The following CD84 variants were observed in gnomAD, a reference collection of about 807,000 sequenced individuals.
CD84 encodes the protein CD84 molecule, also known as SLAM family member 5.
Under a neutral mutation model 33.8 loss-of-function variants are expected in CD84, and 22 were observed. That is an observed-to-expected ratio of 0.65 (90% CI 0.46 to 0.93). The LOEUF (loss-of-function observed/expected upper bound fraction) is 0.93, where lower values mean the gene tolerates loss of function less well. Among genes scored for constraint, CD84 ranks in the 40% least tolerant of loss-of-function variants. CD84 has a pLI of 0.00. For synonymous variants in CD84, 154 were observed against 145.2 expected, an observed-to-expected ratio of 1.06 and a Z score of -0.44; for missense variants, 400 against 397.6, an observed-to-expected ratio of 1.01 and a Z score of -0.05.
rs573351439 is a variant in CD84 at position 160,545,622 on chromosome 1, A to G, written c.*2634T>C. On this transcript the variant is annotated 3_prime_UTR_variant, in exon 7 of 7. Transcript: ENST00000368054. ...CAGCCTCTGATGTATGCATCCTGAT[A>G]TTATTTTATTTTATTTTTATTTTTT... is the stretch of plus-strand genomic sequence containing the variant. 1 of 152,036 alleles carries G rather than the reference A, an allele frequency of 6.6e-6. No individual in the cohort carries two copies. The highest frequency in any genetic ancestry group is 2.4e-5 in the African/African-American group (1 of 41,462). 9.4% of individuals were successfully genotyped at this position (152,036 alleles called of 1,614,324 possible). A position where few individuals can be genotyped will look rare whatever the true frequency, so the allele number is the denominator to read the frequency against.
At position 160,548,288 on chromosome 1, in the gene CD84, G is replaced by A. The variant is rs749408655; in HGVS notation, c.955C>T (p.Pro319Ser). ...GKASTQDSKPPGTSSYEIVI is the reference protein window; with the variant it reads ...GKASTQDSKPSGTSSYEIVI ...ACAATTTCATAGCTTGAAGTCCCAG[G>A]AGGTTTACTGTCCTGTGTGCTGGCT... The change falls in exon 7 of 7, where the codon CCT becomes TCT. Residue 319 changes from proline to serine, a missense_variant. Physicochemically the swap from Pro to Ser is moderately conservative, Grantham distance 74. Transcript: ENST00000368054. 2.1e-5 allele frequency: 34 copies of A among 1,614,186 alleles called. No individual in the cohort carries two copies. The South Asian group carries it at 3.3e-4, about 16-fold the overall frequency.
At chr1:160,571,835 T>C (rs1307204278) in intron 1 of CD84, among the ~76,000 whole-genome samples, 1 of 152,120 alleles carries the variant, frequency 6.6e-6, no homozygotes, top group Non-Finnish European at 1.5e-5. Context: ...TTCTGGACAC[T>C]GTGAATGACT....
chr1:160,575,614 G>T (rs961664178), intron 1 of CD84, among the ~76,000 whole-genome samples: 1 of 151,858 alleles, frequency 6.6e-6, no homozygotes, highest in African/African-American at 2.4e-5. Flanking sequence ...GTATAACAAA[G>T]GAAACAAGAG....
chr1:160,554,282 A>T, intron 2 of CD84, 136 bp from the exon 3 acceptor site: 1 of 958,862 alleles, frequency 1.0e-6, no homozygotes, highest in Non-Finnish European at 1.4e-6. Flanking sequence ...TAAATAAATT[A>T]TGTTAAAAAT....
At chr1:160,567,711 G>C (rs759646115) in intron 1 of CD84, among the ~76,000 whole-genome samples, 1 of 152,086 alleles carries the variant, frequency 6.6e-6, no homozygotes, top group African/African-American at 2.4e-5. Context: ...TTGGGGTAGC[G>C]GGTCAGAAAG....
At chr1:160,551,291 C>T (rs1656202415) in intron 4 of CD84, 1 of 426,234 alleles carries the variant, frequency 2.3e-6, no homozygotes, top group Non-Finnish European at 4.3e-6. Context: ...CAACCCCTCC[C>T]TGTGTGGCCA....
intron 2 of CD84, among the ~76,000 whole-genome samples, chr1:160,560,839 A>G (rs916029793): frequency 1.3e-5 from 2 of 152,204 alleles, no homozygotes; most frequent in African/African-American, 2.4e-5. Flanking sequence ...AAGCAATACA[A>G]ACAACCATCA....
chr1:160,546,019 CTCTG>C lies in CD84; in HGVS notation c.*2233_*2236del, dbSNP rs1282592289. ...TTTTTTTTTTCGAGATGGAGTCTCA[CTCTG>C]TCTCTCCCAGGCTGGAGTGCAGTGG... On this transcript the variant is annotated 3_prime_UTR_variant, in exon 7 of 7. Coordinates refer to ENST00000368054, the MANE Select transcript of CD84 (RefSeq NM_003874.4). 1 of 149,590 alleles carries C rather than the reference CTCTG, an allele frequency of 6.7e-6. No homozygotes were observed. The highest frequency in any genetic ancestry group is 2.5e-5 in the African/African-American group (1 of 40,788). The allele number at this position is 149,590 out of a possible 1,614,324, so 9.3% of individuals were successfully genotyped here.
chr1:160,553,600 C>A, intron 3 of CD84, 103 bp from the exon 4 acceptor site: 6 of 1,365,558 alleles, frequency 4.4e-6, no homozygotes, highest in South Asian at 1.2e-5. Flanking sequence ...TGGGTGCCCT[C>A]CGAAGGAGTG....
intron 2 of CD84, among the ~76,000 whole-genome samples, chr1:160,563,870 A>G (rs976992349): frequency 6.6e-6 from 1 of 152,196 alleles, no homozygotes; most frequent in Non-Finnish European, 1.5e-5. Context: ...ACCACATTTC[A>G]GATGCTCAAG....
intron 5 of CD84, chr1:160,550,510 A>G: frequency 2.0e-6 from 1 of 500,496 alleles, no homozygotes; most frequent in Non-Finnish European, 2.6e-6. Context: ...CTGCTGCTAG[A>G]CCAGGAGGGG....
chr1:160,554,225 C>T (rs1336187884), intron 2 of CD84, 79 bp from the exon 3 acceptor site: 12 of 1,313,818 alleles, frequency 9.1e-6, no homozygotes, highest in Non-Finnish European at 7.8e-6. Flanking sequence ...GTTAAATTCT[C>T]AGAAATTTGC....
chr1:160,549,510 C>T (rs1184996311), intron 6 of CD84, among the ~76,000 whole-genome samples: 1 of 152,224 alleles, frequency 6.6e-6, no homozygotes, highest in African/African-American at 2.4e-5. Context: ...AGCAAATGAA[C>T]TGAAATTCAG....
rs1199274639 is a variant in CD84, at chr1:160,548,359, A to G, written c.922-38T>C. On this transcript the variant is annotated intron_variant, in intron 6 of 6. Coordinates refer to ENST00000368054, the MANE Select transcript of CD84 (RefSeq NM_003874.4). ...GAAGCGTGAGAAAATGTTAACTGAGAGGTGCTGCTGGGGAACTCCAGTCCT... is the reference window on the plus strand; with the variant it reads ...GAAGCGTGAGAAAATGTTAACTGAGGGGTGCTGCTGGGGAACTCCAGTCCT... 2.5e-6 allele frequency: 4 copies of G among 1,610,462 alleles called. No individual in the cohort carries two copies. In the South Asian group the frequency reaches 4.4e-5, roughly 18 times the overall value.
intron 1 of CD84, among the ~76,000 whole-genome samples, chr1:160,566,207 C>G (rs1034089636): frequency 1.3e-5 from 2 of 152,164 alleles, no homozygotes; most frequent in Non-Finnish European, 2.9e-5. Flanking sequence ...AAGCAAGTAA[C>G]ACTTTTGTCT....
chr1:160,569,138 A>G (rs1557982970), intron 1 of CD84, among the ~76,000 whole-genome samples: 1 of 152,206 alleles, frequency 6.6e-6, no homozygotes. Flanking sequence ...GCCCTAGGCC[A>G]CCCTTATGAT....
intron 6 of CD84, among the ~76,000 whole-genome samples, chr1:160,549,691 G>C (rs1656069205): frequency 2.0e-5 from 3 of 152,156 alleles, no homozygotes; most frequent in Admixed American, 2.0e-4. Flanking sequence ...CATTTGAAGG[G>C]TGGGATCAGC....
intron 2 of CD84, among the ~76,000 whole-genome samples, chr1:160,557,621 A>C (rs1345737049): frequency 6.6e-6 from 1 of 152,278 alleles, no homozygotes; most frequent in African/African-American, 2.4e-5. Flanking sequence ...AAAGAAATGT[A>C]ATGTGAGTCA....
intron 2 of CD84, among the ~76,000 whole-genome samples, chr1:160,557,989 G>A (rs929291060): frequency 6.6e-6 from 1 of 152,190 alleles, no homozygotes. Flanking sequence ...TCTCCCTGGG[G>A]CAGAGCTCCT....
Sources: allele counts gnomAD v4.1 joint callset (sites outside exome capture counted in the v4.1 genomes callset), GRCh38; gene constraint gnomAD v4.1.1; transcripts MANE v1.5; gene names NCBI Gene and HGNC (gene_info 2026-07-23, HGNC 2026-07-21).